SOX6: variants seen among roughly 807,000 people sequenced by gnomAD.
SOX6 encodes SRY-box transcription factor 6.
Under a neutral mutation model 97.8 loss-of-function variants are expected in SOX6, and 11 were observed. The observed-to-expected ratio is 0.11, with a 90% CI of 0.07 to 0.19. The LOEUF (loss-of-function observed/expected upper bound fraction) is 0.19. Among genes scored for constraint, SOX6 ranks in the 10% least tolerant of loss-of-function variants. The pLI, the probability that SOX6 is intolerant of heterozygous loss-of-function variation, is 1.00. For missense variants in SOX6, 810 were observed against 1,039.5 expected (o/e 0.78, Z 3.04); for synonymous variants, 360 against 371.4 (o/e 0.97, Z 0.35).
chr11:16,549,701 T>C (rs1847660813), intron 4 of SOX6, among the ~76,000 whole-genome samples: 1 of 152,038 alleles, frequency 6.6e-6, no homozygotes, highest in South Asian at 2.1e-4. Flanking sequence ...CAGAAGACCA[T>C]CAACTGGTGA....
intron 6 of SOX6, among the ~76,000 whole-genome samples, chr11:16,165,713 C>G (rs994696830): frequency 3.9e-5 from 6 of 152,080 alleles, no homozygotes; most frequent in African/African-American, 1.4e-4. Context: ...GCCTGGCCAA[C>G]ATGGTGAAAC....
intron 3 of SOX6, among the ~76,000 whole-genome samples, chr11:16,702,033 T>A (rs1375149505): frequency 6.6e-6 from 1 of 152,220 alleles, no homozygotes; most frequent in Admixed American, 6.5e-5. Flanking sequence ...CAGAGAAGCA[T>A]GTGTATCACA....
chr11:16,602,310 T>G (rs571515356), intron 4 of SOX6, among the ~76,000 whole-genome samples: 39 of 152,196 alleles, frequency 2.6e-4, no homozygotes, highest in African/African-American at 8.4e-4. Flanking sequence ...ACAGAGGATG[T>G]CACTATGCCT....
intron 13 of SOX6, among the ~76,000 whole-genome samples, chr11:16,005,233 C>G (rs533830264): frequency 1.3e-5 from 2 of 151,998 alleles, no homozygotes; most frequent in South Asian, 4.2e-4. Flanking sequence ...TTAATGGAGC[C>G]TCTCTTCTTC....
chr11:16,121,534 C>T (rs1440887359), intron 6 of SOX6, among the ~76,000 whole-genome samples: 1 of 151,930 alleles, frequency 6.6e-6, no homozygotes, highest in Non-Finnish European at 1.5e-5. Context: ...GGTTTGTTCT[C>T]ACTTACATAT....
intron 7 of SOX6, among the ~76,000 whole-genome samples, chr11:16,109,611 T>G (rs1460700397): frequency 6.6e-6 from 1 of 152,214 alleles, no homozygotes; most frequent in Non-Finnish European, 1.5e-5. Context: ...CTAATTCATG[T>G]GAATGATAAA....
intron 12 of SOX6, among the ~76,000 whole-genome samples, chr11:16,034,498 A>G (rs77922500): frequency 0.011 from 1,610 of 152,322 alleles, 27 homozygotes; most frequent in African/African-American, 0.037. Flanking sequence ...ACTGCTCTCA[A>G]TGGCACATTT....
intron 4 of SOX6, among the ~76,000 whole-genome samples, chr11:16,536,782 T>C (rs574449092): frequency 5.5e-4 from 84 of 152,150 alleles, no homozygotes; most frequent in African/African-American, 2.0e-3. Context: ...CTTGAGTAGG[T>C]AAACAAAGCA....
At chr11:16,370,975 C>G (rs900473994) in intron 1 of SOX6, among the ~76,000 whole-genome samples, 8 of 151,956 alleles carry the variant, frequency 5.3e-5, no homozygotes, top group Non-Finnish European at 1.2e-4. Flanking sequence ...CAGAAACAAC[C>G]AAAATGATCC....
intron 6 of SOX6, among the ~76,000 whole-genome samples, chr11:16,132,854 C>CTT (rs1251304393): frequency 4.6e-5 from 7 of 152,116 alleles, no homozygotes; most frequent in Non-Finnish European, 7.4e-5. Context: ...ATCTCACAAG[C>CTT]TGATCTCTCA....
intron 2 of SOX6, among the ~76,000 whole-genome samples, chr11:16,731,586 G>A (rs773815122): frequency 1.3e-5 from 2 of 152,070 alleles, no homozygotes; most frequent in Non-Finnish European, 2.9e-5. Flanking sequence ...GATATTGATG[G>A]AATGTATCTC....
At chr11:16,686,289 C>A (rs985553195) in intron 3 of SOX6, among the ~76,000 whole-genome samples, 1 of 152,208 alleles carries the variant, frequency 6.6e-6, no homozygotes, top group Non-Finnish European at 1.5e-5. Context: ...GGCTAGGCCA[C>A]AAATATTCCA....
At chr11:16,678,554 T>C (rs528791854) in intron 3 of SOX6, among the ~76,000 whole-genome samples, 1 of 152,298 alleles carries the variant, frequency 6.6e-6, no homozygotes, top group Admixed American at 6.5e-5. Context: ...ATGGGTGATT[T>C]CTGCATTCCC....
At chr11:16,217,601 A>G (rs554573750) in intron 4 of SOX6, among the ~76,000 whole-genome samples, 1 of 152,302 alleles carries the variant, frequency 6.6e-6, no homozygotes, top group South Asian at 2.1e-4. Flanking sequence ...ATAAGTAACC[A>G]TATAGTTTCT....
chr11:16,424,123 T>C (rs1859076303), intron 1 of SOX6, among the ~76,000 whole-genome samples: 1 of 152,144 alleles, frequency 6.6e-6, no homozygotes, highest in Non-Finnish European at 1.5e-5. Flanking sequence ...AGAAGCCAGA[T>C]GCCAATAGAC....
At chr11:16,232,467 G>C (rs1717280425) in intron 4 of SOX6, among the ~76,000 whole-genome samples, 1 of 151,836 alleles carries the variant, frequency 6.6e-6, no homozygotes, top group Non-Finnish European at 1.5e-5. Flanking sequence ...CAGAAAAAAA[G>C]GTTAAAGAAT....
intron 12 of SOX6, among the ~76,000 whole-genome samples, chr11:16,038,348 T>C (rs776671765): frequency 1.3e-4 from 20 of 152,030 alleles, no homozygotes; most frequent in Non-Finnish European, 2.2e-4. Flanking sequence ...ATTTCTCAGA[T>C]GGAGATGTTA....
intron 3 of SOX6, among the ~76,000 whole-genome samples, chr11:16,626,195 T>A (rs1389214776): frequency 6.6e-6 from 1 of 152,202 alleles, no homozygotes; most frequent in Non-Finnish European, 1.5e-5. Flanking sequence ...GTGTCAGAAG[T>A]GAGCTATTCA....
chr11:16,473,556 T>A (rs1388476108), intron 1 of SOX6, among the ~76,000 whole-genome samples: 1 of 147,262 alleles, frequency 6.8e-6, no homozygotes, highest in Non-Finnish European at 1.5e-5. Context: ...CAATTCCTTT[T>A]TTTTTTTTTT....
Sources: gnomAD v4.1 joint callset for allele counts (sites outside exome capture counted in the v4.1 genomes callset) on GRCh38, gnomAD v4.1.1 for gene constraint, MANE v1.5 for transcripts, NCBI Gene and HGNC (gene_info 2026-07-23, HGNC 2026-07-21) for gene names.